The following CERS3 variants were observed in gnomAD, a reference collection of about 807,000 sequenced individuals.
CERS3 encodes the protein LAG1 homolog, ceramide synthase 3.
In CERS3, 33 loss-of-function variants were observed where a neutral mutation model predicts 50.3. The observed-to-expected ratio is 0.66, with a 90% CI of 0.50 to 0.88. The LOEUF is 0.88. Among genes scored for constraint, CERS3 ranks in the 40% least tolerant of loss-of-function variants. The pLI is 0.00. For missense variants in CERS3, 470 were observed against 460.3 expected (o/e 1.02, Z -0.19); for synonymous variants, 176 against 155.2 (o/e 1.13, Z -0.99).
At chr15:100,528,397 C>T (rs2036854687) in intron 1 of CERS3, among the ~76,000 whole-genome samples, 1 of 152,170 alleles carries the variant, frequency 6.6e-6, no homozygotes, top group South Asian at 2.1e-4. Flanking sequence ...CCTTTCATTC[C>T]ACCTGGATTC....
intron 11 of CERS3, among the ~76,000 whole-genome samples, chr15:100,427,646 T>A (rs938797873): frequency 4.6e-5 from 7 of 152,098 alleles, no homozygotes; most frequent in Non-Finnish European, 1.0e-4. Context: ...CAAACATCAA[T>A]CTCTCGGGTA....
intron 11 of CERS3, among the ~76,000 whole-genome samples, chr15:100,418,188 A>T (rs904386526): frequency 1.3e-4 from 20 of 152,208 alleles, no homozygotes; most frequent in African/African-American, 4.3e-4. Context: ...TTTGAAAAAA[A>T]TTTAGAAGAA....
At chr15:100,415,546 G>A (rs559632698) in intron 11 of CERS3, among the ~76,000 whole-genome samples, 1 of 152,242 alleles carries the variant, frequency 6.6e-6, no homozygotes, top group South Asian at 2.1e-4. Context: ...ACACCCAAAT[G>A]CCCATCAATG....
At chr15:100,462,793 A>G (rs964323231) in intron 10 of CERS3, among the ~76,000 whole-genome samples, 3 of 152,254 alleles carry the variant, frequency 2.0e-5, no homozygotes, top group African/African-American at 7.2e-5. Context: ...GATGAATGAC[A>G]GCTAAATGCA....
At chr15:100,494,749 G>A (rs933791770) in intron 3 of CERS3, among the ~76,000 whole-genome samples, 1 of 152,172 alleles carries the variant, frequency 6.6e-6, no homozygotes, top group Non-Finnish European at 1.5e-5. Flanking sequence ...CTCTGCCTTA[G>A]CCTTCACTTA....
At chr15:100,471,261 C>G (rs1362478506) in intron 9 of CERS3, among the ~76,000 whole-genome samples, 1 of 151,914 alleles carries the variant, frequency 6.6e-6, no homozygotes, top group African/African-American at 2.4e-5. Flanking sequence ...CTAAGGACCT[C>G]AGAACGTTTT....
intron 1 of CERS3, among the ~76,000 whole-genome samples, chr15:100,537,561 G>A (rs1190100712): frequency 6.6e-6 from 1 of 152,220 alleles, no homozygotes; most frequent in Non-Finnish European, 1.5e-5. Context: ...GAAGTGCCAA[G>A]CGAAGTGGGG....
At chr15:100,442,753 A>T (rs11523632) in intron 11 of CERS3, among the ~76,000 whole-genome samples, 3 of 150,040 alleles carry the variant, frequency 2.0e-5, no homozygotes, top group East Asian at 2.0e-4. Context: ...TCGGCTTAGC[A>T]GCTGAAGACT....
rs542600209 is a variant in CERS3 at position 100,492,453 on chromosome 15, T to TGTCCTTTA, written c.174-1523_174-1522insTAAAGGAC. Among the ~76,000 whole-genome samples, 39 of 152,350 alleles carry TGTCCTTTA rather than the reference T, an allele frequency of 2.6e-4. 1 individual carries two copies. The South Asian group carries it at 8.1e-3, about 32-fold the overall frequency. On this transcript the variant is annotated intron_variant, in intron 3 of 11. Coordinates refer to ENST00000679737, the MANE Select transcript of CERS3 (RefSeq NM_001378789.1). ...GATTTACCCTTTTATTATTATAAAA[T>TGTCCTTTA]GTCCTTTGTCTGCAGTAACAATTCT...
chr15:100,433,726 C>T (rs1424743491), intron 11 of CERS3, among the ~76,000 whole-genome samples: 3 of 151,998 alleles, frequency 2.0e-5, no homozygotes, highest in Non-Finnish European at 4.4e-5. Flanking sequence ...CACATGTGCA[C>T]ACACACACAC....
Position 100,454,226 on chromosome 15 carries a change from GA to G in CERS3, c.999+1666del, listed in dbSNP as rs371755964. ...GAAAACATAGAGACCCCATCTCTACGAAAAATTTTAAAAATTAGTGAAGTGT... is the reference window on the plus strand; with the variant it reads ...GAAAACATAGAGACCCCATCTCTACGAAAATTTTAAAAATTAGTGAAGTGT... On this transcript the variant is annotated intron_variant, in intron 11 of 11. Transcript: ENST00000679737. Among the ~76,000 whole-genome samples, 279 of 151,932 alleles carry G rather than the reference GA, an allele frequency of 1.8e-3. 1 individual carries two copies. The highest frequency in any genetic ancestry group is 6.5e-3 in the African/African-American group (268 of 41,456).
At chr15:100,529,115 T>C (rs1199923626), upstream of CERS3, 2 of 152,226 alleles carry the variant, frequency 1.3e-5, no homozygotes, top group Non-Finnish European at 2.9e-5. Flanking sequence ...GACATTGAGT[T>C]ACAAATGCAT....
At chr15:100,405,251 AAAAAAAAC>A (rs1206488729) in intron 11 of CERS3, among the ~76,000 whole-genome samples, 26 of 120,552 alleles carry the variant, frequency 2.2e-4, no homozygotes, top group Middle Eastern at 4.6e-3. Context: ...AAAAAAAACA[AAAAAAAAC>A]CCCTAATTTA....
chr15:100,429,313 A>C (rs969463533), intron 11 of CERS3, among the ~76,000 whole-genome samples: 29 of 152,184 alleles, frequency 1.9e-4, no homozygotes, highest in Non-Finnish European at 4.0e-4. Context: ...CCGAGGTCAC[A>C]GTCCAGGAGG....
At chr15:100,502,584 A>T (rs1474524802) in intron 2 of CERS3, among the ~76,000 whole-genome samples, 1 of 152,246 alleles carries the variant, frequency 6.6e-6, no homozygotes, top group African/African-American at 2.4e-5. Flanking sequence ...ACCCTAAAAA[A>T]TTCCCCAGGA....
intron 3 of CERS3, among the ~76,000 whole-genome samples, chr15:100,496,932 G>C (rs777752725): frequency 1.2e-4 from 18 of 152,238 alleles, no homozygotes; most frequent in Non-Finnish European, 2.4e-4. Flanking sequence ...GATGAATTAA[G>C]TTCTCTTGAA....
At chr15:100,454,656 G>A (rs2034299687) in intron 11 of CERS3, among the ~76,000 whole-genome samples, 1 of 152,088 alleles carries the variant, frequency 6.6e-6, no homozygotes, top group Non-Finnish European at 1.5e-5. Flanking sequence ...CATTGGTCTA[G>A]GCAAAGATTC....
chr15:100,447,264 A>G (rs1357182954), intron 11 of CERS3, among the ~76,000 whole-genome samples: 3 of 152,192 alleles, frequency 2.0e-5, no homozygotes, highest in African/African-American at 7.2e-5. Context: ...ATTCCTTTCT[A>G]TTGATTTCAG....
upstream of CERS3, among the ~76,000 whole-genome samples, chr15:100,529,943 A>G (rs8027496): frequency 0.096 from 14,625 of 152,274 alleles, 874 homozygotes; most frequent in African/African-American, 0.15. Context: ...CAAATTCATT[A>G]AAGCTCCAAA....
Sources: gnomAD v4.1 joint callset for allele counts (sites outside exome capture counted in the v4.1 genomes callset) on GRCh38, gnomAD v4.1.1 for gene constraint, MANE v1.5 for transcripts, NCBI Gene and HGNC (gene_info 2026-07-23, HGNC 2026-07-21) for gene names.